Variants in B3GAT1 observed in about 807,000 individuals in gnomAD.
B3GAT1 encodes galactosylgalactosylxylosylprotein 3-beta-glucuronosyltransferase 1.
A neutral mutation model predicts 28.4 loss-of-function variants in B3GAT1; 11 were observed. That is an observed-to-expected ratio of 0.39 (90% confidence interval 0.24 to 0.64). The LOEUF is 0.64. Among genes scored for constraint, B3GAT1 ranks in the 30% least tolerant of loss-of-function variants. B3GAT1 has a pLI of 0.50. For missense variants in B3GAT1, 375 were observed against 491.0 expected (o/e 0.76, Z 2.23); for synonymous variants, 255 against 223.1 (o/e 1.14, Z -1.27).
chr11:134,383,099 A>G (rs1001017781), intron 3 of B3GAT1, 93 bp from the exon 4 acceptor site: 10 of 1,373,518 alleles, frequency 7.3e-6, no homozygotes, highest in African/African-American at 4.3e-5. Flanking sequence ...AGCCACCTCT[A>G]TCTATGCCCA....
In B3GAT1 at chr11:134,400,520, C is replaced by T. The variant is rs2136330544; in HGVS notation, c.-282+11287G>A. ...CAGTGGTGAATACAAACACCACCAC[C>T]TCCACCTTGTTTTAAGATTCAGCGG... On this transcript the variant is annotated intron_variant, in intron 1 of 5. Transcript: ENST00000312527. 2.0e-5 allele frequency among the ~76,000 whole-genome samples: 3 copies of T among 152,358 alleles called. No homozygotes were observed. In the Middle Eastern group the frequency reaches 0.01, roughly 518 times the overall value.
chr11:134,394,558 G>A (rs1016657693), intron 1 of B3GAT1, among the ~76,000 whole-genome samples: 6 of 152,280 alleles, frequency 3.9e-5, no homozygotes, highest in Admixed American at 1.3e-4. Flanking sequence ...CTCAGTGGTC[G>A]GGCCGAGTGC....
intron 3 of B3GAT1, 127 bp from the exon 4 acceptor site, chr11:134,383,133 G>C: frequency 9.3e-7 from 1 of 1,076,040 alleles, no homozygotes; most frequent in Non-Finnish European, 1.3e-6. Flanking sequence ...CCACCTAGGG[G>C]GTGTCCAGTA....
At chr11:134,410,609 G>T (rs28378882) in intron 1 of B3GAT1, among the ~76,000 whole-genome samples, 29,698 of 152,040 alleles carry the variant, frequency 0.2, 3,575 homozygotes, top group African/African-American at 0.34. Flanking sequence ...CACCAACTGA[G>T]CAGACTCTGG....
rs569353276 is a variant in B3GAT1, at chr11:134,411,663, G to T, written c.-282+144C>A. 1.1e-3 allele frequency: 153 copies of T among 137,322 alleles called. 2 individuals are homozygous for T. In the East Asian group the frequency reaches 0.031, roughly 28 times the overall value. 8.5% of individuals were successfully genotyped at this position (137,322 alleles called of 1,614,324 possible). A position where few individuals can be genotyped will look rare whatever the true frequency, so the allele number is the denominator to read the frequency against. ...CCCCCTTTCCAGCTGCCCCCAGCGC[G>T]CGCAGCGCACACACACACACACACA... On this transcript the variant is annotated intron_variant, in intron 1 of 5. Transcript: ENST00000312527. This position sits in a 1 kb window ranked among gnomAD's most constrained non-coding sequence, Gnocchi z 6.0.
rs1321812686 is a variant in B3GAT1, at chr11:134,380,208, T to G, written c.*554A>C. The G allele has an allele frequency of 6.6e-6, 1 of 152,214 alleles. No individual in the cohort carries two copies. Among genetic ancestry groups the G allele is most frequent in the Admixed American group, 6.5e-5 (1 of 15,286 alleles). 9.4% of individuals were successfully genotyped at this position (152,214 alleles called of 1,614,324 possible). On this transcript the variant is annotated 3_prime_UTR_variant, in exon 6 of 6. Coordinates refer to ENST00000312527, the MANE Select transcript of B3GAT1 (RefSeq NM_054025.3). ...GGAGAGCCACAGAGGTATGTCTGAT[T>G]TGGGGGCAGCTCTCGGGAAGAGCAG...
rs1394098279 is a variant in B3GAT1 at position 134,379,882 on chromosome 11, C to CCCAGT, written c.*875_*879dup. On this transcript the variant is annotated 3_prime_UTR_variant, in exon 6 of 6. Transcript: ENST00000312527. ...GCTGCAGGAAAAGGCGCTTTCCCTCCCCAGTCCAGTCCAGGCGAGGGGCCT... is the reference window on the plus strand; with the variant it reads ...GCTGCAGGAAAAGGCGCTTTCCCTCCCCAGTCCAGTCCAGTCCAGGCGAGGGGCCT... The CCCAGT allele has an allele frequency of 6.5e-6, 1 of 152,914 alleles. No homozygotes were observed. The highest frequency in any genetic ancestry group is 2.4e-5 in the African/African-American group (1 of 41,468). 9.5% of individuals were successfully genotyped at this position (152,914 alleles called of 1,614,324 possible).
intron 1 of B3GAT1, chr11:134,392,106 T>C (rs1944421564): frequency 6.6e-6 from 1 of 152,178 alleles, no homozygotes; most frequent in Non-Finnish European, 1.5e-5. Context: ...TCTGCGAAGA[T>C]GAAGGGATGT....
Position 134,387,752 on chromosome 11 carries a change from A to G in B3GAT1, c.-93T>C. On this transcript the variant is annotated 5_prime_UTR_variant, in exon 2 of 6. Transcript: ENST00000312527. Reference sequence around the variant, plus strand: ...CACGGGCGGCGGCAGCACAGGGGAGAAAAGAACAGGCATGGGCCGGGCCGG... The same window carrying G: ...CACGGGCGGCGGCAGCACAGGGGAGGAAAGAACAGGCATGGGCCGGGCCGG... 5.1e-6 allele frequency: 8 copies of G among 1,573,556 alleles called. No individual in the cohort carries two copies. The highest frequency in any genetic ancestry group is 6.9e-6 in the Non-Finnish European group (8 of 1,161,104).
At chr11:134,398,806 T>C (rs927331894) in intron 1 of B3GAT1, among the ~76,000 whole-genome samples, 1 of 152,156 alleles carries the variant, frequency 6.6e-6, no homozygotes, top group South Asian at 2.1e-4. Context: ...AGCTGTGTGC[T>C]CCGGGCAGGC....
intron 1 of B3GAT1, among the ~76,000 whole-genome samples, chr11:134,401,879 C>T (rs571558044): frequency 6.6e-6 from 1 of 151,748 alleles, no homozygotes; most frequent in South Asian, 2.1e-4. Context: ...GCACATTCTT[C>T]TCTCCCCAGC....
At chr11:134,394,650 A>G (rs1306035658) in intron 1 of B3GAT1, among the ~76,000 whole-genome samples, 1 of 152,176 alleles carries the variant, frequency 6.6e-6, no homozygotes, top group Non-Finnish European at 1.5e-5. Flanking sequence ...GGGCCCTGGG[A>G]TGTCTGCACT....
intron 1 of B3GAT1, among the ~76,000 whole-genome samples, chr11:134,410,070 G>A (rs1052702875): frequency 2.0e-5 from 3 of 152,156 alleles, no homozygotes; most frequent in Non-Finnish European, 4.4e-5. Context: ...ACCACTAAGA[G>A]AACCTTCAGG....
intron 1 of B3GAT1, among the ~76,000 whole-genome samples, chr11:134,397,218 T>C (rs190840849): frequency 5.3e-4 from 80 of 152,262 alleles, no homozygotes; most frequent in African/African-American, 1.6e-3. Context: ...CTTATGGTGA[T>C]CTCTCTGACG....
rs1944078672 is a variant in B3GAT1, at chr11:134,379,398, T to C, written c.*1364A>G. The C allele has an allele frequency of 6.6e-6, 1 of 152,416 alleles. No homozygotes were observed. The highest frequency in any genetic ancestry group is 2.4e-5 in the African/African-American group (1 of 41,392). The allele number at this position is 152,416 out of a possible 1,614,324, so 9.4% of individuals were successfully genotyped here. On this transcript the variant is annotated 3_prime_UTR_variant, in exon 6 of 6. Coordinates refer to ENST00000312527, the MANE Select transcript of B3GAT1 (RefSeq NM_054025.3). ...ATTGTGCTTCCAACTTGCAGGAGAA[T>C]GAGCCGGATCACCACTAGAGAGCCC...
chr11:134,411,401 G>A lies in B3GAT1; in HGVS notation c.-282+406C>T, dbSNP rs1258938128. On this transcript the variant is annotated intron_variant, in intron 1 of 5. Coordinates refer to ENST00000312527, the MANE Select transcript of B3GAT1 (RefSeq NM_054025.3). This position sits in a 1 kb window ranked among gnomAD's most constrained non-coding sequence, Gnocchi z 6.0. ...GGAGCCAGAGAGCGATCCAGAGAGC[G>A]CTGTTGGGCAGCAGGGGTGGGGAGG... is the stretch of plus-strand genomic sequence containing the variant. Among the ~76,000 whole-genome samples, 1 of 152,142 alleles carries A rather than the reference G, an allele frequency of 6.6e-6. No homozygotes were observed. Among genetic ancestry groups the A allele is most frequent in the Non-Finnish European group, 1.5e-5 (1 of 68,030 alleles).
rs1254476346 is a variant in B3GAT1, at chr11:134,404,021, A to ATT, written c.-282+7785_-282+7786insAA. On this transcript the variant is annotated intron_variant, in intron 1 of 5. Coordinates refer to ENST00000312527, the MANE Select transcript of B3GAT1 (RefSeq NM_054025.3). Reference sequence around the variant, plus strand: ...TATATATATATATATATATATATATATATATATATTTATTATACGTTAAGT... The same window carrying ATT: ...TATATATATATATATATATATATATATTTATATATATTTATTATACGTTAAGT... Among the ~76,000 whole-genome samples, 317 of 119,672 alleles carry ATT rather than the reference A, an allele frequency of 2.6e-3. 5 individuals carry two copies. Among genetic ancestry groups the ATT allele is most frequent in the African/African-American group, 9.5e-3 (297 of 31,208 alleles). 78.5% of individuals were successfully genotyped at this position (119,672 alleles called of 152,430 possible).
At chr11:134,382,055 G>A (rs2136300278) in intron 4 of B3GAT1, 31 bp from the exon 5 acceptor site, 2 of 1,603,870 alleles carry the variant, frequency 1.2e-6, no homozygotes, top group East Asian at 4.5e-5. Flanking sequence ...AACATGGTGG[G>A]ACAGGCCCCT....
chr11:134,400,109 C>T (rs79416046), intron 1 of B3GAT1, among the ~76,000 whole-genome samples: 23,768 of 152,090 alleles, frequency 0.16, 2,151 homozygotes, highest in African/African-American at 0.25. Context: ...GGAGACTCTC[C>T]TGGGCTCTGT....
Sources: allele counts gnomAD v4.1 joint callset (sites outside exome capture counted in the v4.1 genomes callset), GRCh38; gene constraint gnomAD v4.1.1; non-coding constraint Gnocchi (gnomAD v3.1); transcripts MANE v1.5; gene names NCBI Gene and HGNC (gene_info 2026-07-23, HGNC 2026-07-21).